The following STAU2 variants were observed in gnomAD, a reference collection of about 807,000 sequenced individuals.
The protein encoded by STAU2 is double-stranded RNA-binding protein Staufen homolog 2.
STAU2 carries 20 observed loss-of-function variants against 65.9 expected under a neutral mutation model. The observed-to-expected ratio is 0.30, with a 90% confidence interval of 0.21 to 0.44. The LOEUF (loss-of-function observed/expected upper bound fraction) is 0.44. STAU2 is among the 20% of genes least tolerant of loss of function. STAU2 has a pLI of 1.00. For missense variants in STAU2, 558 were observed against 683.9 expected, an observed-to-expected ratio of 0.82 and a Z score of 2.05; for synonymous variants, 232 against 233.9, an observed-to-expected ratio of 0.99 and a Z score of 0.07.
chr8:73,736,239 C>T lies in STAU2; in HGVS notation c.-18+2045G>A, dbSNP rs562745206. Among the ~76,000 whole-genome samples the T allele has an allele frequency of 9.2e-5, 14 of 152,282 alleles. 1 individual carries two copies. In the South Asian group the frequency reaches 2.5e-3, roughly 27 times the overall value. On this transcript the variant is annotated intron_variant, in intron 3 of 14. Coordinates refer to ENST00000524300, the MANE Select transcript of STAU2 (RefSeq NM_001164380.2). ...AACACCAAAACTGACAACATAATTA[C>T]GTGGTTATTGTTGAAAAATAAATAT...
chr8:73,698,079 C>CA (rs1414647688), intron 4 of STAU2, among the ~76,000 whole-genome samples: 3 of 150,562 alleles, frequency 2.0e-5, no homozygotes, highest in South Asian at 2.1e-4. Context: ...TACTCTGTCT[C>CA]AAAAAAAAGA....
At chr8:73,443,059 T>C (rs1425657268) in intron 13 of STAU2, among the ~76,000 whole-genome samples, 2 of 152,206 alleles carry the variant, frequency 1.3e-5, no homozygotes, top group African/African-American at 4.8e-5. Context: ...AGGGATGTTA[T>C]ATCAACCAAC....
chr8:73,510,323 G>A (rs1822317379), intron 13 of STAU2, among the ~76,000 whole-genome samples: 1 of 152,094 alleles, frequency 6.6e-6, no homozygotes, highest in African/African-American at 2.4e-5. Flanking sequence ...GCCCACCTCT[G>A]CCTCCCAAAG....
chr8:73,571,670 G>A (rs965270022), intron 12 of STAU2, among the ~76,000 whole-genome samples: 3 of 152,138 alleles, frequency 2.0e-5, no homozygotes, highest in Non-Finnish European at 4.4e-5. Context: ...CGAAATGAAG[G>A]CAGAAATAAA....
In STAU2 at chr8:73,746,765, C is replaced by T. The variant is rs866803613; in HGVS notation, c.-197+18G>A. On this transcript the variant is annotated intron_variant, in intron 1 of 14. Coordinates refer to ENST00000524300, the MANE Select transcript of STAU2 (RefSeq NM_001164380.2). ...CGGAAGTCGGGGTCTCCCGGACGCC[C>T]CCGATGAGGGTATTTACCTTCTTGC... is the stretch of plus-strand genomic sequence containing the variant. 362 of 1,226,138 alleles carry T rather than the reference C, an allele frequency of 3.0e-4. 3 individuals are homozygous for T. The highest frequency in any genetic ancestry group is 1.2e-3 in the South Asian group (30 of 24,280). 76.0% of individuals were successfully genotyped at this position (1,226,138 alleles called of 1,614,324 possible).
In STAU2 at chr8:73,724,153, G is replaced by C. The variant is rs559622034; in HGVS notation, c.-18+14131C>G. Reference sequence around the variant, plus strand: ...CTGGGGCAATTGTAGGACTCACCTTGTTTGTTTCTTCTCTCTCAAGAATCA... The same window carrying C: ...CTGGGGCAATTGTAGGACTCACCTTCTTTGTTTCTTCTCTCTCAAGAATCA... On this transcript the variant is annotated intron_variant, in intron 3 of 14. Coordinates refer to ENST00000524300, the MANE Select transcript of STAU2 (RefSeq NM_001164380.2). Among the ~76,000 whole-genome samples the C allele has an allele frequency of 3.0e-4, 46 of 152,234 alleles. No individual in the cohort carries two copies. The South Asian group carries it at 9.1e-3, about 30-fold the overall frequency.
intron 13 of STAU2, among the ~76,000 whole-genome samples, chr8:73,455,901 T>C (rs575912453): frequency 1.3e-5 from 2 of 152,248 alleles, no homozygotes; most frequent in Non-Finnish European, 2.9e-5. Context: ...TCAGTACATA[T>C]GAGATGGATG....
In STAU2 at chr8:73,597,203, C is replaced by T. The variant is rs911986243; in HGVS notation, c.1030-1906G>A. Among the ~76,000 whole-genome samples, 2 of 151,666 alleles carry T rather than the reference C, an allele frequency of 1.3e-5. 1 individual carries two copies. Among genetic ancestry groups the T allele is most frequent in the Non-Finnish European group, 2.9e-5 (2 of 67,948 alleles). ...TGGTTCTCTAATAAGACTAATAAAA[C>T]AATAAACCAAAAGTAAGACTGATCA... On this transcript the variant is annotated intron_variant, in intron 10 of 14. Coordinates refer to ENST00000524300, the MANE Select transcript of STAU2 (RefSeq NM_001164380.2).
intron 13 of STAU2, among the ~76,000 whole-genome samples, chr8:73,502,327 T>C (rs1294905965): frequency 6.6e-6 from 1 of 151,996 alleles, no homozygotes; most frequent in African/African-American, 2.4e-5. Context: ...TGTTGATACA[T>C]GTCCTATACC....
chr8:73,427,125 T>C (rs527386605), intron 13 of STAU2, among the ~76,000 whole-genome samples: 1 of 152,030 alleles, frequency 6.6e-6, no homozygotes, highest in South Asian at 2.1e-4. Flanking sequence ...ATGGGGTTTC[T>C]CCATGTTGGT....
chr8:73,746,919 G>GGCGCTCCCGCCGCGCCCTCCC, upstream of STAU2: 2 of 920,532 alleles, frequency 2.2e-6, no homozygotes, highest in Non-Finnish European at 2.6e-6. Context: ...CCGCCTCCCC[G>GGCGCTCCCGCCGCGCCCTCCC]GCGCTCCCGC....
At chr8:73,450,148 A>G (rs1476124950) in intron 13 of STAU2, among the ~76,000 whole-genome samples, 1 of 152,244 alleles carries the variant, frequency 6.6e-6, no homozygotes. Flanking sequence ...AATAAGTAAC[A>G]GAAACTTACT....
intron 12 of STAU2, among the ~76,000 whole-genome samples, chr8:73,552,950 AC>A (rs1807443915): frequency 6.6e-6 from 1 of 152,188 alleles, no homozygotes; most frequent in Non-Finnish European, 1.5e-5. Context: ...ACTCCTGGCA[AC>A]CATCTCTGAT....
At chr8:73,688,943 T>A (rs1276300635) in intron 4 of STAU2, 130 bp from the exon 5 acceptor site, 6 of 1,048,062 alleles carry the variant, frequency 5.7e-6, no homozygotes, top group Non-Finnish European at 8.1e-6. Flanking sequence ...CTACAGATCA[T>A]CTGCAACAAA....
At chr8:73,741,786 T>G (rs756403664) in intron 1 of STAU2, among the ~76,000 whole-genome samples, 1 of 152,228 alleles carries the variant, frequency 6.6e-6, no homozygotes, top group Non-Finnish European at 1.5e-5. Flanking sequence ...GTGCCAAGAT[T>G]ACAGGCGTGA....
intron 13 of STAU2, among the ~76,000 whole-genome samples, chr8:73,460,276 T>C (rs964474706): frequency 1.3e-5 from 2 of 151,620 alleles, no homozygotes; most frequent in Non-Finnish European, 1.5e-5. Flanking sequence ...GAGGGCATTG[T>C]TGTTGTTTTG....
intron 13 of STAU2, among the ~76,000 whole-genome samples, chr8:73,504,951 T>C (rs1189875991): frequency 6.6e-6 from 1 of 152,158 alleles, no homozygotes; most frequent in Non-Finnish European, 1.5e-5. Flanking sequence ...CCAGTTATTT[T>C]CTATCCCTTG....
At chr8:73,743,688 G>A (rs117036914) in intron 1 of STAU2, among the ~76,000 whole-genome samples, 18,957 of 150,940 alleles carry the variant, frequency 0.13, 1,635 homozygotes, top group East Asian at 0.34. Flanking sequence ...CGTCAGGCTG[G>A]TCTCGAACCC....
intron 5 of STAU2, among the ~76,000 whole-genome samples, chr8:73,683,860 T>C (rs1818606148): frequency 6.6e-6 from 1 of 151,966 alleles, no homozygotes; most frequent in African/African-American, 2.4e-5. Context: ...CCTTTCACAA[T>C]AGCTGCAAAA....
Sources: gnomAD v4.1 joint callset for allele counts (sites outside exome capture counted in the v4.1 genomes callset) on GRCh38, gnomAD v4.1.1 for gene constraint, MANE v1.5 for transcripts, NCBI Gene and HGNC (gene_info 2026-07-23, HGNC 2026-07-21) for gene names.